ESF1: variants seen among roughly 807,000 people sequenced by gnomAD.
ESF1 encodes the protein ESF1 homolog.
In ESF1, 58 loss-of-function variants were observed where a neutral mutation model predicts 92.0. The observed-to-expected ratio is 0.63, with a 90% CI of 0.51 to 0.78. The LOEUF (loss-of-function observed/expected upper bound fraction) is 0.78, where lower values mean the gene tolerates loss of function less well. Ranked by LOEUF, ESF1 falls within the 30% of genes least tolerant of loss-of-function variation. The pLI, the probability that ESF1 is intolerant of heterozygous loss-of-function variation, is 0.00. For missense variants in ESF1, 922 were observed against 989.1 expected (o/e 0.93, Z 0.91); for synonymous variants, 321 against 313.7 (o/e 1.02, Z -0.24).
intron 10 of ESF1, among the ~76,000 whole-genome samples, chr20:13,730,476 C>T (rs773302328): frequency 3.3e-5 from 5 of 151,682 alleles, no homozygotes; most frequent in East Asian, 1.9e-4. Flanking sequence ...CTCCACCTCC[C>T]GGATTCATGC....
At chr20:13,725,043 T>C (rs1009905794) in intron 11 of ESF1, among the ~76,000 whole-genome samples, 2 of 152,152 alleles carry the variant, frequency 1.3e-5, no homozygotes, top group African/African-American at 2.4e-5. Flanking sequence ...TTTTCAGCCA[T>C]CCAGACCTGA....
At chr20:13,775,121 T>A in intron 4 of ESF1, 36 bp downstream of exon 4, 3 of 1,310,882 alleles carry the variant, frequency 2.3e-6, no homozygotes, top group Non-Finnish European at 3.2e-6. Context: ...TTAAAATGCC[T>A]AGAAATATTT....
rs1308916609 is a variant in ESF1, at chr20:13,742,990, T to C, written c.1829-9148A>G. ...GTCTTGTTGACCATCTTCTTTCACT[T>C]AGCGTAGTATTTTCAAGGTTCATCT... On this transcript the variant is annotated intron_variant, in intron 9 of 13. Coordinates refer to ENST00000617257, the MANE Select transcript of ESF1 (RefSeq NM_001276380.2). Among the ~76,000 whole-genome samples the C allele has an allele frequency of 2.6e-5, 4 of 152,342 alleles. No individual in the cohort carries two copies. In the East Asian group the frequency reaches 7.7e-4, roughly 29 times the overall value.
At chr20:13,763,440 C>T (rs1392591843) in intron 8 of ESF1, among the ~76,000 whole-genome samples, 1 of 152,200 alleles carries the variant, frequency 6.6e-6, no homozygotes, top group African/African-American at 2.4e-5. Context: ...GTTCAGTTCT[C>T]CCAAAACAGA....
At chr20:13,718,317 A>T (rs2049844496) in intron 12 of ESF1, among the ~76,000 whole-genome samples, 1 of 152,212 alleles carries the variant, frequency 6.6e-6, no homozygotes, top group South Asian at 2.1e-4. Flanking sequence ...CTGGACAGTG[A>T]CATGAACATC....
chr20:13,777,220 A>C (rs1412634918), intron 2 of ESF1, among the ~76,000 whole-genome samples: 1 of 152,204 alleles, frequency 6.6e-6, no homozygotes, highest in Non-Finnish European at 1.5e-5. Context: ...AGAGATGTAC[A>C]TGGATTTCAG....
intron 9 of ESF1, among the ~76,000 whole-genome samples, chr20:13,748,218 GTTC>G (rs1188572839): frequency 6.7e-6 from 1 of 148,234 alleles, no homozygotes; most frequent in Non-Finnish European, 1.5e-5. Flanking sequence ...ATCTGTGACA[GTTC>G]TTCTGTCTCC....
chr20:13,758,094 G>C (rs549204756), intron 9 of ESF1, among the ~76,000 whole-genome samples: 1 of 152,214 alleles, frequency 6.6e-6, no homozygotes, highest in South Asian at 2.1e-4. Context: ...CCTTAAAGCA[G>C]CCTTCAGTTC....
At position 13,715,020 on chromosome 20, in the gene ESF1, G is replaced by T; in HGVS notation, c.2410C>A (p.Leu804Ile). 6.2e-7 allele frequency: 1 copy of T among 1,613,836 alleles called. No individual in the cohort carries two copies. The highest frequency in any genetic ancestry group is 1.1e-5 in the South Asian group (1 of 91,070). Residue 804 changes from leucine (L) to isoleucine (I), a missense_variant, in exon 14 of 14, where the codon CTT becomes ATT. Leu to Ile is a conservative substitution (Grantham distance 5, BLOSUM62 2). Coordinates refer to ENST00000617257, the MANE Select transcript of ESF1 (RefSeq NM_001276380.2). ...TCTTTTTTCTTTATTGCCTGAGTAA[G>T]TTCTTGTTCTTTCCGTTCTCTTTGC... The part of the protein sequence containing the change: ...ARQRERKEQE[L>I]TQAIKKKESE...
At chr20:13,779,648 C>A (rs994167308) in intron 2 of ESF1, among the ~76,000 whole-genome samples, 1 of 152,200 alleles carries the variant, frequency 6.6e-6, no homozygotes, top group African/African-American at 2.4e-5. Flanking sequence ...GATTCTCGTG[C>A]CTCAGCCTCC....
At chr20:13,779,935 T>G (rs192215238) in intron 2 of ESF1, among the ~76,000 whole-genome samples, 38 of 152,360 alleles carry the variant, frequency 2.5e-4, no homozygotes, top group African/African-American at 7.7e-4. Flanking sequence ...GTGCTGGGCA[T>G]GAACATTTCA....
intron 9 of ESF1, among the ~76,000 whole-genome samples, chr20:13,756,013 G>A (rs1268908985): frequency 6.6e-6 from 1 of 152,094 alleles, no homozygotes; most frequent in African/African-American, 2.4e-5. Context: ...GACCCTCCGT[G>A]GTTTACTGAA....
At chr20:13,718,174 A>G (rs1446426008) in intron 12 of ESF1, among the ~76,000 whole-genome samples, 1 of 152,160 alleles carries the variant, frequency 6.6e-6, no homozygotes, top group Non-Finnish European at 1.5e-5. Context: ...ATCTTCCTAT[A>G]TTACCACTTT....
intron 9 of ESF1, among the ~76,000 whole-genome samples, chr20:13,742,170 C>T (rs2050017390): frequency 6.6e-6 from 1 of 152,118 alleles, no homozygotes. Context: ...AGTTCGAGAC[C>T]AGCGTGGCCA....
intron 9 of ESF1, among the ~76,000 whole-genome samples, chr20:13,757,691 C>T (rs111528425): frequency 0.035 from 5,341 of 152,156 alleles, 121 homozygotes; most frequent in Middle Eastern, 0.058. Flanking sequence ...GGTGTGAGCC[C>T]CTGTGCCCGG....
intron 13 of ESF1, 33 bp downstream of exon 13, chr20:13,717,335 C>CT: frequency 6.2e-7 from 1 of 1,609,632 alleles, no homozygotes. Context: ...TCAATTCCAG[C>CT]TTTAAGAGGC....
chr20:13,762,776 T>A, intron 8 of ESF1: 1 of 361,430 alleles, frequency 2.8e-6, no homozygotes, highest in Non-Finnish European at 5.3e-6. Flanking sequence ...AAATTTGTAA[T>A]CAATTAAAAT....
intron 8 of ESF1, among the ~76,000 whole-genome samples, chr20:13,766,284 C>G (rs1979422021): frequency 6.6e-6 from 1 of 152,148 alleles, no homozygotes; most frequent in Non-Finnish European, 1.5e-5. Context: ...CAACAAACCT[C>G]AAGCTCCACA....
At chr20:13,718,695 T>C (rs2147716008) in intron 12 of ESF1, among the ~76,000 whole-genome samples, 2 of 152,278 alleles carry the variant, frequency 1.3e-5, no homozygotes, top group South Asian at 4.1e-4. Flanking sequence ...GAGGTTAATT[T>C]TAACTTTGTA....
Sources: allele counts gnomAD v4.1 joint callset (sites outside exome capture counted in the v4.1 genomes callset), GRCh38; gene constraint gnomAD v4.1.1; transcripts MANE v1.5; gene names NCBI Gene and HGNC (gene_info 2026-07-23, HGNC 2026-07-21).